CDK6: variants seen among roughly 807,000 people sequenced by gnomAD.
CDK6 encodes the protein cyclin-dependent kinase 6.
A neutral mutation model predicts 37.1 loss-of-function variants in CDK6; 6 were observed. The observed-to-expected ratio is 0.16, with a 90% CI of 0.09 to 0.32. The LOEUF is 0.32. Ranked by LOEUF, CDK6 falls within the 10% of genes least tolerant of loss-of-function variation. The probability of loss-of-function intolerance (pLI) is 1.00; values close to 1 mark genes in which losing one functional copy is unlikely to be tolerated. For missense variants in CDK6, 224 were observed against 418.9 expected, an observed-to-expected ratio of 0.53 and a Z score of 4.06; for synonymous variants, 160 against 161.3, an observed-to-expected ratio of 0.99 and a Z score of 0.06.
Position 92,611,620 on chromosome 7 carries a change from T to A in CDK6, c.*3520A>T, listed in dbSNP as rs1286839573. Reference sequence around the variant, plus strand: ...TAAACACTCACTTTAAATACATAATTTAAAGTTCAAAATGTTTGGTACTAT... The same window carrying A: ...TAAACACTCACTTTAAATACATAATATAAAGTTCAAAATGTTTGGTACTAT... On this transcript the variant is annotated 3_prime_UTR_variant, in exon 8 of 8. Transcript: ENST00000424848. The A allele has an allele frequency of 4.4e-6, 1 of 228,708 alleles. No individual in the cohort carries two copies. The highest frequency in any genetic ancestry group is 8.7e-6 in the Non-Finnish European group (1 of 115,384). 14.2% of individuals were successfully genotyped at this position (228,708 alleles called of 1,614,324 possible).
chr7:92,717,680 C>G (rs906430016), intron 4 of CDK6, among the ~76,000 whole-genome samples: 3 of 152,104 alleles, frequency 2.0e-5, no homozygotes, highest in African/African-American at 4.8e-5. Context: ...CTGTTTTTGT[C>G]CAGAACTAAT....
intron 3 of CDK6, among the ~76,000 whole-genome samples, chr7:92,745,009 C>T (rs981400679): frequency 6.6e-6 from 1 of 151,692 alleles, no homozygotes; most frequent in African/African-American, 2.4e-5. Flanking sequence ...TCATGAGGTG[C>T]AATGTGATGT....
chr7:92,732,303 G>C (rs1378056326), intron 3 of CDK6, among the ~76,000 whole-genome samples: 2 of 152,208 alleles, frequency 1.3e-5, no homozygotes, highest in Non-Finnish European at 2.9e-5. Flanking sequence ...TGTGGACCCA[G>C]CTACTCGGGA....
intron 2 of CDK6, among the ~76,000 whole-genome samples, chr7:92,831,640 C>T (rs1801484461): frequency 6.6e-6 from 1 of 152,186 alleles, no homozygotes; most frequent in African/African-American, 2.4e-5. Context: ...TATATAATCT[C>T]ATCTTCTAAA....
At chr7:92,636,722 G>C (rs1043284524) in intron 5 of CDK6, among the ~76,000 whole-genome samples, 4 of 152,156 alleles carry the variant, frequency 2.6e-5, no homozygotes, top group Admixed American at 6.5e-5. Context: ...CTGGAGTGCA[G>C]TGGCGCAATC....
intron 3 of CDK6, among the ~76,000 whole-genome samples, chr7:92,733,876 A>ATTTATT (rs1310603087): frequency 1.7e-4 from 26 of 152,058 alleles, no homozygotes; most frequent in Non-Finnish European, 7.4e-5. Flanking sequence ...ATATGTATTT[A>ATTTATT]TTTATTTTTA....
At chr7:92,623,825 T>C (rs1473830740) in intron 5 of CDK6, among the ~76,000 whole-genome samples, 1 of 152,200 alleles carries the variant, frequency 6.6e-6, no homozygotes, top group Non-Finnish European at 1.5e-5. Flanking sequence ...CATAGAGCTT[T>C]ACTCTGACAG....
At chr7:92,721,648 A>G (rs887482447) in intron 4 of CDK6, among the ~76,000 whole-genome samples, 1 of 152,218 alleles carries the variant, frequency 6.6e-6, no homozygotes, top group Admixed American at 6.5e-5. Context: ...AAGTTAGGCA[A>G]AAGACATTTA....
chr7:92,654,817 C>T (rs2116566993), intron 5 of CDK6, among the ~76,000 whole-genome samples: 1 of 152,108 alleles, frequency 6.6e-6, no homozygotes, highest in Middle Eastern at 3.4e-3. Context: ...TCCAGGTGCA[C>T]ATAACAAACC....
chr7:92,825,748 A>T (rs2116000110), intron 2 of CDK6, among the ~76,000 whole-genome samples: 1 of 152,292 alleles, frequency 6.6e-6, no homozygotes, highest in South Asian at 2.1e-4. Flanking sequence ...AAAGAACTCA[A>T]GCAATTGATC....
intron 5 of CDK6, among the ~76,000 whole-genome samples, chr7:92,661,261 T>C (rs1449076918): frequency 6.6e-6 from 1 of 152,178 alleles, no homozygotes; most frequent in Non-Finnish European, 1.5e-5. Context: ...CTCAGTTTTC[T>C]TACCTGTCAA....
intron 5 of CDK6, among the ~76,000 whole-genome samples, chr7:92,635,142 T>G (rs1306433635): frequency 6.6e-6 from 1 of 152,142 alleles, no homozygotes; most frequent in Non-Finnish European, 1.5e-5. Context: ...AAAGCGTTAT[T>G]TTTGGTGCAC....
At chr7:92,822,703 T>G (rs1044953095) in intron 2 of CDK6, among the ~76,000 whole-genome samples, 1 of 152,060 alleles carries the variant, frequency 6.6e-6, no homozygotes, top group Non-Finnish European at 1.5e-5. Context: ...CACGGGGCAA[T>G]GCAAAAATGA....
intron 5 of CDK6, among the ~76,000 whole-genome samples, chr7:92,650,484 A>G (rs1308029323): frequency 6.6e-6 from 1 of 152,106 alleles, no homozygotes; most frequent in Non-Finnish European, 1.5e-5. Context: ...CTGTTGTAAC[A>G]AATTACCACC....
In CDK6 at chr7:92,611,955, T is replaced by G. The variant is rs1339524217; in HGVS notation, c.*3185A>C. ...CAAAACAGGTTCTTTGCACCTTGAG[T>G]TCCCATCCACTTCAAAGGAGGGACA... is the stretch of plus-strand genomic sequence containing the variant. On this transcript the variant is annotated 3_prime_UTR_variant, in exon 8 of 8. Coordinates refer to ENST00000424848, the MANE Select transcript of CDK6 (RefSeq NM_001145306.2). 1 of 232,766 alleles carries G rather than the reference T, an allele frequency of 4.3e-6. No individual in the cohort carries two copies. The highest frequency in any genetic ancestry group is 2.2e-5 in the African/African-American group (1 of 45,340). The allele number at this position is 232,766 out of a possible 1,614,324, so 14.4% of individuals were successfully genotyped here.
chr7:92,774,612 C>G (rs1799800625), intron 3 of CDK6, 84 bp downstream of exon 3: 1 of 1,232,230 alleles, frequency 8.1e-7, no homozygotes, highest in African/African-American at 1.6e-5. Flanking sequence ...GTAATTGTGG[C>G]AATTTTCATA....
intron 3 of CDK6, among the ~76,000 whole-genome samples, chr7:92,771,242 AAAAT>A (rs938877799): frequency 6.7e-6 from 1 of 150,052 alleles, no homozygotes; most frequent in Non-Finnish European, 1.5e-5. Context: ...AAAAATAAAT[AAAAT>A]AAATAAATAA....
chr7:92,748,675 A>G (rs909721904), intron 3 of CDK6, among the ~76,000 whole-genome samples: 1 of 152,166 alleles, frequency 6.6e-6, no homozygotes, highest in African/African-American at 2.4e-5. Flanking sequence ...ACTCTCTTTC[A>G]TAACATAGAA....
chr7:92,793,906 T>C (rs768436094), intron 2 of CDK6, among the ~76,000 whole-genome samples: 17 of 152,028 alleles, frequency 1.1e-4, no homozygotes, highest in Non-Finnish European at 2.1e-4. Context: ...GGGGTTTCTT[T>C]GAGGGAGAAT....
Sources: allele counts gnomAD v4.1 joint callset (sites outside exome capture counted in the v4.1 genomes callset), GRCh38; gene constraint gnomAD v4.1.1; transcripts MANE v1.5; gene names NCBI Gene and HGNC (gene_info 2026-07-23, HGNC 2026-07-21).